The following SARDH variants were observed in gnomAD, a reference collection of about 807,000 sequenced individuals.
SARDH encodes the protein sarcosine dehydrogenase, mitochondrial.
SARDH carries 95 observed loss-of-function variants against 109.1 expected under a neutral mutation model. The ratio of observed to expected loss-of-function variants is 0.87; its 90% confidence interval spans 0.74 to 1.03. The LOEUF is 1.03. Ranked by LOEUF, SARDH falls within the 50% of genes least tolerant of loss-of-function variation. The pLI is 0.00. For synonymous variants in SARDH, 572 were observed against 534.8 expected (o/e 1.07, Z -0.96); for missense variants, 1,267 against 1,287.8 (o/e 0.98, Z 0.25).
chr9:133,731,847 A>G (rs577160641), intron 3 of SARDH, among the ~76,000 whole-genome samples: 152 of 152,306 alleles, frequency 1.0e-3, no homozygotes, highest in Non-Finnish European at 1.1e-3. Context: ...TATAAGATAA[A>G]TAACCCCACA....
downstream of SARDH, among the ~76,000 whole-genome samples, chr9:133,662,903 A>AC (rs1829931913): frequency 2.6e-5 from 4 of 151,916 alleles, no homozygotes; most frequent in South Asian, 6.3e-4. This position sits in a 1 kb window ranked among gnomAD's most constrained non-coding sequence, Gnocchi z 5.1. Flanking sequence ...AGAGATGCAC[A>AC]CCCCTCCCAG....
intron 11 of SARDH, among the ~76,000 whole-genome samples, chr9:133,707,665 G>A (rs948026688): frequency 6.6e-6 from 1 of 152,174 alleles, no homozygotes; most frequent in Non-Finnish European, 1.5e-5. Flanking sequence ...CTAGGACATA[G>A]CCCCTGTTCC....
chr9:133,730,236 G>T (rs557128944), intron 4 of SARDH, 49 bp from the exon 5 acceptor site: 3 of 1,603,656 alleles, frequency 1.9e-6, no homozygotes, highest in South Asian at 1.1e-5. Context: ...CTCCCCGGGG[G>T]TGCTTCCCAC....
chr9:133,724,301 T>A (rs1488550660), intron 6 of SARDH, among the ~76,000 whole-genome samples: 1 of 152,170 alleles, frequency 6.6e-6, no homozygotes, highest in Non-Finnish European at 1.5e-5. Flanking sequence ...TTTAAGGAAC[T>A]CCTACAACTC....
intron 17 of SARDH, among the ~76,000 whole-genome samples, chr9:133,673,351 A>G (rs1158199749): frequency 6.6e-6 from 1 of 152,252 alleles, no homozygotes; most frequent in Non-Finnish European, 1.5e-5. Flanking sequence ...CTGGGACCAG[A>G]GAGCTCACAA....
At chr9:133,690,314 G>A (rs1274582712) in intron 16 of SARDH, 66 bp downstream of exon 16, 10 of 1,567,242 alleles carry the variant, frequency 6.4e-6, no homozygotes, top group Non-Finnish European at 8.7e-6. Flanking sequence ...CTGCCCAAGG[G>A]CCTGTTGGAG....
chr9:133,677,567 A>G (rs1215765654), intron 17 of SARDH, among the ~76,000 whole-genome samples: 1 of 152,344 alleles, frequency 6.6e-6, no homozygotes, highest in East Asian at 1.9e-4. Context: ...CTCTCCACCC[A>G]TGGAACTAAT....
intron 6 of SARDH, among the ~76,000 whole-genome samples, chr9:133,726,403 G>GTAA (rs2131491081): frequency 5.2e-5 from 1 of 19,378 alleles, no homozygotes; most frequent in East Asian, 1.1e-3. Context: ...AATAGTAGTA[G>GTAA]TAGTAGTAGT....
rs1247766080 is a variant in SARDH, at chr9:133,728,006, C to T, written c.915+1759G>A. On this transcript the variant is annotated intron_variant, in intron 6 of 20. Transcript: ENST00000439388. This position sits in a 1 kb window ranked among gnomAD's most constrained non-coding sequence, Gnocchi z 5.0. ...AGAACCCACTGAGACCTGAGCGTGACCCCTGGCGGCCACCTAGGGGAGGAG... is the reference window on the plus strand; with the variant it reads ...AGAACCCACTGAGACCTGAGCGTGATCCCTGGCGGCCACCTAGGGGAGGAG... Among the ~76,000 whole-genome samples the T allele has an allele frequency of 6.6e-6, 1 of 152,082 alleles. No homozygotes were observed. Among genetic ancestry groups the T allele is most frequent in the Non-Finnish European group, 1.5e-5 (1 of 67,990 alleles).
chr9:133,700,825 T>C (rs1564267488), intron 13 of SARDH, among the ~76,000 whole-genome samples: 1 of 152,178 alleles, frequency 6.6e-6, no homozygotes, highest in Non-Finnish European at 1.5e-5. Context: ...AATCTTCTAT[T>C]CTTCACTGTA....
At chr9:133,679,076 C>T (rs1304867055) in intron 17 of SARDH, among the ~76,000 whole-genome samples, 2 of 152,220 alleles carry the variant, frequency 1.3e-5, no homozygotes, top group Non-Finnish European at 2.9e-5. Flanking sequence ...CTTCCCACCA[C>T]CCACTCCACA....
intron 16 of SARDH, among the ~76,000 whole-genome samples, chr9:133,689,045 G>A (rs129904): frequency 0.37 from 56,349 of 151,960 alleles, 10,701 homozygotes; most frequent in Admixed American, 0.45. Context: ...CAGGGAAAGC[G>A]GACCCCATGG....
At chr9:133,694,930 C>G (rs1223612084) in intron 14 of SARDH, among the ~76,000 whole-genome samples, 1 of 151,874 alleles carries the variant, frequency 6.6e-6, no homozygotes, top group East Asian at 1.9e-4. Context: ...GAGTGGGTGG[C>G]TGGATTAATG....
intron 16 of SARDH, among the ~76,000 whole-genome samples, chr9:133,687,986 G>GCGCACCGGCCGCCCCCGGGC (rs1830944954): frequency 6.6e-6 from 1 of 152,116 alleles, no homozygotes; most frequent in Non-Finnish European, 1.5e-5. Context: ...ATGAGGCTGG[G>GCGCACCGGCCGCCCCCGGGC]CGCACCGGCC....
Position 133,663,641 on chromosome 9 carries a change from A to G in SARDH, c.*248T>C, listed in dbSNP as rs1829956130. On this transcript the variant is annotated 3_prime_UTR_variant, in exon 21 of 21. Coordinates refer to ENST00000439388, the MANE Select transcript of SARDH (RefSeq NM_001134707.2). ...GCTACAAGCCATGGTCCCTGAGCCC[A>G]AGACACTTACAGGTTTGCTTTCTGG... 3 of 537,782 alleles carry G rather than the reference A, an allele frequency of 5.6e-6. No homozygotes were observed. In the South Asian group the frequency reaches 7.7e-5, roughly 14 times the overall value. 33.3% of individuals were successfully genotyped at this position (537,782 alleles called of 1,614,324 possible). A position where few individuals can be genotyped will look rare whatever the true frequency, so the allele number is the denominator to read the frequency against.
At chr9:133,696,472 C>T in intron 13 of SARDH, 111 bp from the exon 14 acceptor site, 1 of 1,374,680 alleles carries the variant, frequency 7.3e-7, no homozygotes, top group South Asian at 1.3e-5. Flanking sequence ...TGAGCCTCCC[C>T]TCCCTCTCTT....
intron 17 of SARDH, among the ~76,000 whole-genome samples, chr9:133,679,516 G>T (rs1161188451): frequency 6.6e-6 from 1 of 152,236 alleles, no homozygotes; most frequent in African/African-American, 2.4e-5. Context: ...ATGCTGCTTC[G>T]CGGCGGGGCC....
In SARDH at chr9:133,712,886, C is replaced by T. The variant is rs548978013; in HGVS notation, c.1237+152G>A. ...TGGACTGGACCCTGGCACAGGTGCA[C>T]TCTCTGGGAAGCAGAAGGGGCTGGA... On this transcript the variant is annotated intron_variant, in intron 9 of 20. Transcript: ENST00000439388. This position sits in a 1 kb window ranked among gnomAD's most constrained non-coding sequence, Gnocchi z 4.1. 3 of 956,090 alleles carry T rather than the reference C, an allele frequency of 3.1e-6. No individual in the cohort carries two copies. Among genetic ancestry groups the T allele is most frequent in the South Asian group, 1.5e-5 (1 of 66,838 alleles). 59.2% of individuals were successfully genotyped at this position (956,090 alleles called of 1,614,324 possible). A position where few individuals can be genotyped will look rare whatever the true frequency, so the allele number is the denominator to read the frequency against.
At chr9:133,738,699 G>A (rs1404712911), upstream of SARDH, among the ~76,000 whole-genome samples, 2 of 152,256 alleles carry the variant, frequency 1.3e-5, no homozygotes, top group East Asian at 1.9e-4. Flanking sequence ...GGCAGGAAAG[G>A]TGGGGTCAGC....
Sources: allele counts gnomAD v4.1 joint callset (sites outside exome capture counted in the v4.1 genomes callset), GRCh38; gene constraint gnomAD v4.1.1; non-coding constraint Gnocchi (gnomAD v3.1); transcripts MANE v1.5; gene names NCBI Gene and HGNC (gene_info 2026-07-23, HGNC 2026-07-21).